The following DPP6 variants were observed in gnomAD, a reference collection of about 807,000 sequenced individuals.
The protein encoded by DPP6 is A-type potassium channel modulatory protein DPP6.
DPP6 carries 69 observed loss-of-function variants against 122.6 expected under a neutral mutation model. That is an observed-to-expected ratio of 0.56 (90% CI 0.46 to 0.69). The LOEUF (loss-of-function observed/expected upper bound fraction) is 0.69. Among genes scored for constraint, DPP6 ranks in the 30% least tolerant of loss-of-function variants. The pLI, the probability that DPP6 is intolerant of heterozygous loss-of-function variation, is 0.00. For missense variants in DPP6, 928 were observed against 1,116.9 expected, an observed-to-expected ratio of 0.83 and a Z score of 2.41; for synonymous variants, 418 against 433.1, an observed-to-expected ratio of 0.97 and a Z score of 0.43.
In DPP6 at chr7:154,566,845, T is replaced by A. The variant is rs1261452614; in HGVS notation, c.556T>A (p.Ser186Thr). ...CTTTGTCTATTTTTTCTTTTAGGAA[T>A]CATTAAGAGCCATCAGATATGAAAT... ...TVLIEGKKIESLRAIRYEISP... is the reference protein window; with the variant it reads ...TVLIEGKKIETLRAIRYEISP... The change falls in exon 5 of 26, where the codon TCA becomes ACA. Residue 186 changes from serine (S) to threonine (T), a missense_variant. Transcript: ENST00000377770. The A allele has an allele frequency of 3.8e-6, 6 of 1,567,592 alleles. No homozygotes were observed. In the Admixed American group the frequency reaches 7.1e-5, roughly 18 times the overall value.
In DPP6 at chr7:154,889,440, T is replaced by A; in HGVS notation, c.2378-17T>A. On this transcript the variant is annotated splice_polypyrimidine_tract_variant and intron_variant, in intron 24 of 25. Transcript: ENST00000377770. Reference sequence around the variant, plus strand: ...AACAAATGTCTTCCTCTCTTTTTTTTTTTTTTTTTTGCACAGAAAAAATTC... The same window carrying A: ...AACAAATGTCTTCCTCTCTTTTTTTATTTTTTTTTTGCACAGAAAAAATTC... The A allele has an allele frequency of 6.4e-7, 1 of 1,560,706 alleles. No individual in the cohort carries two copies. The highest frequency in any genetic ancestry group is 8.6e-7 in the Non-Finnish European group (1 of 1,156,726).
Position 154,508,744 on chromosome 7 carries a change from G to A in DPP6, c.458-31788G>A, listed in dbSNP as rs147013338. On this transcript the variant is annotated intron_variant, in intron 3 of 25. Coordinates refer to ENST00000377770, the MANE Select transcript of DPP6 (RefSeq NM_130797.4). ...CTGGTTGAAGGCTAAGAAAGAAAAG[G>A]CACTAATTAGACTTTCCAAGCTTAT... is the stretch of plus-strand genomic sequence containing the variant. Among the ~76,000 whole-genome samples, 752 of 152,264 alleles carry A rather than the reference G, an allele frequency of 4.9e-3. 4 individuals are homozygous for A. The highest frequency in any genetic ancestry group is 0.024 in the Middle Eastern group (7 of 294).
chr7:154,273,466 A>T (rs906248749), intron 1 of DPP6, among the ~76,000 whole-genome samples: 2 of 152,208 alleles, frequency 1.3e-5, no homozygotes, highest in African/African-American at 4.8e-5. Flanking sequence ...TTAGCTTTAA[A>T]ATTGTCAAGT....
the DPP6 span, among the ~76,000 whole-genome samples, chr7:153,834,274 C>T: frequency 8.1e-6 from 1 of 122,946 alleles, no homozygotes; most frequent in Non-Finnish European, 1.8e-5. Context: ...GTGACTCCAT[C>T]TAAAAAAAAA....
At position 154,889,190 on chromosome 7, in the gene DPP6, T is replaced by C; in HGVS notation, c.2305-82T>C. On this transcript the variant is annotated intron_variant, in intron 23 of 25. Coordinates refer to ENST00000377770, the MANE Select transcript of DPP6 (RefSeq NM_130797.4). Reference sequence around the variant, plus strand: ...TGTTTTCAATACACTTCACCTACCTTCTCAGTCAGGTTTCCAAGCAGAACA... The same window carrying C: ...TGTTTTCAATACACTTCACCTACCTCCTCAGTCAGGTTTCCAAGCAGAACA... 15 of 1,538,100 alleles carry C rather than the reference T, an allele frequency of 9.8e-6. No individual in the cohort carries two copies. In the South Asian group the frequency reaches 1.9e-4, roughly 19 times the overall value.
Position 154,732,200 on chromosome 7 carries a change from C to T in DPP6, c.883+4313C>T, listed in dbSNP as rs575524730. The stretch of plus-strand genomic sequence containing the variant: ...ACTAACAGGCGCCTGCCACCATGCC[C>T]GGCTAATTTTTTTTTTTTGGTATTT... On this transcript the variant is annotated intron_variant, in intron 8 of 25. Coordinates refer to ENST00000377770, the MANE Select transcript of DPP6 (RefSeq NM_130797.4). Among the ~76,000 whole-genome samples, 22 of 91,914 alleles carry T rather than the reference C, an allele frequency of 2.4e-4. No individual in the cohort carries two copies. In the South Asian group the frequency reaches 3.5e-3, roughly 14 times the overall value. 60.3% of individuals were successfully genotyped at this position (91,914 alleles called of 152,430 possible).
intron 1 of DPP6, among the ~76,000 whole-genome samples, chr7:154,216,445 G>T (rs1800003032): frequency 6.6e-6 from 1 of 152,226 alleles, no homozygotes; most frequent in Non-Finnish European, 1.5e-5. Context: ...GGAAGGGCCA[G>T]TTCCAGGAAT....
chr7:154,809,754 GA>G (rs922554130), intron 16 of DPP6, among the ~76,000 whole-genome samples: 3 of 152,064 alleles, frequency 2.0e-5, no homozygotes, highest in Admixed American at 6.5e-5. Context: ...AGAGGAGAAA[GA>G]AAAAAAGTTT....
intron 1 of DPP6, among the ~76,000 whole-genome samples, chr7:154,373,801 C>A (rs1359612130): frequency 4.6e-5 from 7 of 152,166 alleles, no homozygotes; most frequent in African/African-American, 1.7e-4. Flanking sequence ...CCTCCTCCCG[C>A]AGCCCCTGGC....
chr7:154,152,816 A>G (rs1796489508), intron 1 of DPP6, among the ~76,000 whole-genome samples: 1 of 152,234 alleles, frequency 6.6e-6, no homozygotes, highest in South Asian at 2.1e-4. Flanking sequence ...AGCAGCACAC[A>G]CTGGCTGAGT....
At chr7:154,652,705 G>A (rs1452963770) in intron 6 of DPP6, among the ~76,000 whole-genome samples, 1 of 152,052 alleles carries the variant, frequency 6.6e-6, no homozygotes, top group Non-Finnish European at 1.5e-5. Flanking sequence ...GCGTCAGAGT[G>A]CAGCTCATTG....
chr7:154,761,949 G>A (rs1392383416), intron 8 of DPP6, among the ~76,000 whole-genome samples: 2 of 152,048 alleles, frequency 1.3e-5, no homozygotes, highest in African/African-American at 4.8e-5. Context: ...GCAGTGTTTG[G>A]TTTTCTGTCC....
intron 1 of DPP6, among the ~76,000 whole-genome samples, chr7:154,362,571 T>A (rs914298728): frequency 1.4e-5 from 2 of 147,074 alleles, no homozygotes; most frequent in East Asian, 4.0e-4. Flanking sequence ...TGCTTTATGA[T>A]GCCATGCTAT....
rs1468644625 is a variant in DPP6 at position 154,147,432 on chromosome 7, T to G, written c.243+94369T>G. On this transcript the variant is annotated intron_variant, in intron 1 of 25. Transcript: ENST00000377770. ...GTAGGTTGGGTGGGGGAGGTTTTAC[T>G]TTCACTTTATTCATTTCCTTCCTTC... 3.3e-5 allele frequency among the ~76,000 whole-genome samples: 5 copies of G among 150,854 alleles called. No individual in the cohort carries two copies. In the South Asian group the frequency reaches 1.1e-3, roughly 32 times the overall value.
chr7:153,864,617 A>G, the DPP6 span, among the ~76,000 whole-genome samples: 15 of 151,862 alleles, frequency 9.9e-5, no homozygotes, highest in African/African-American at 3.4e-4. Flanking sequence ...AGATTGCACC[A>G]CTACACTCCA....
chr7:154,608,491 C>T (rs1833711711), intron 5 of DPP6, among the ~76,000 whole-genome samples: 1 of 58,570 alleles, frequency 1.7e-5, no homozygotes, highest in African/African-American at 3.5e-5. Flanking sequence ...CTACACCTGG[C>T]TAATTTTTTT....
At chr7:153,853,469 G>A in the DPP6 span, among the ~76,000 whole-genome samples, 2 of 152,160 alleles carry the variant, frequency 1.3e-5, no homozygotes, top group African/African-American at 4.8e-5. Flanking sequence ...GGCTATCTTT[G>A]CCAAGAAACA....
At chr7:154,723,032 G>T (rs1841897387) in intron 7 of DPP6, among the ~76,000 whole-genome samples, 2 of 152,126 alleles carry the variant, frequency 1.3e-5, no homozygotes, top group Non-Finnish European at 2.9e-5. Context: ...AGGCTGAGGT[G>T]GGTGGATCAC....
At chr7:154,156,009 C>G (rs933371564) in intron 1 of DPP6, among the ~76,000 whole-genome samples, 1 of 152,256 alleles carries the variant, frequency 6.6e-6, no homozygotes, top group Non-Finnish European at 1.5e-5. Context: ...GCTCCAATGC[C>G]TGTGTGTGGC....
Sources: allele counts gnomAD v4.1 joint callset (sites outside exome capture counted in the v4.1 genomes callset), GRCh38; gene constraint gnomAD v4.1.1; transcripts MANE v1.5; gene names NCBI Gene and HGNC (gene_info 2026-07-23, HGNC 2026-07-21).